The following MYOF variants were observed in gnomAD, a reference collection of about 807,000 sequenced individuals.
MYOF encodes myoferlin.
In MYOF, 244 loss-of-function variants were observed where a neutral mutation model predicts 284.2. That is an observed-to-expected ratio of 0.86 (90% CI 0.77 to 0.95). MYOF has a LOEUF of 0.95. MYOF is among the 40% of genes least tolerant of loss of function. MYOF has a pLI of 0.00. For missense variants in MYOF, 2,496 were observed against 2,560.6 expected, an observed-to-expected ratio of 0.97 and a Z score of 0.54; for synonymous variants, 904 against 919.7, an observed-to-expected ratio of 0.98 and a Z score of 0.31.
chr10:93,482,220 T>TTCA lies in MYOF; in HGVS notation c.-29_-27dup. ...GGTTCTTAGCTGGTAGAAAGCAAGT[T>TTCA]TCAGCAAACGAAGTGGAGACTAGGG... is the stretch of plus-strand genomic sequence containing the variant. On this transcript the variant is annotated 5_prime_UTR_variant, in exon 1 of 54. The change creates a new upstream start codon in the 5' untranslated region. Coordinates refer to ENST00000359263, the MANE Select transcript of MYOF (RefSeq NM_013451.4). 6.2e-7 allele frequency: 1 copy of TTCA among 1,601,896 alleles called. No individual in the cohort carries two copies. Among genetic ancestry groups the TTCA allele is most frequent in the Non-Finnish European group, 8.5e-7 (1 of 1,172,634 alleles).
At chr10:93,421,122 C>A (rs1380087107) in intron 5 of MYOF, among the ~76,000 whole-genome samples, 2 of 152,086 alleles carry the variant, frequency 1.3e-5, no homozygotes, top group Non-Finnish European at 2.9e-5. Context: ...GGTGGCTGAG[C>A]ACAAGAATTG....
intron 39 of MYOF, among the ~76,000 whole-genome samples, chr10:93,339,027 T>C (rs1340450324): frequency 7.4e-6 from 1 of 135,012 alleles, no homozygotes; most frequent in Non-Finnish European, 1.6e-5. Context: ...TTTTTTTTTT[T>C]TTTTGAGACG....
intron 25 of MYOF, among the ~76,000 whole-genome samples, chr10:93,367,290 G>A (rs1449611777): frequency 2.0e-5 from 3 of 152,222 alleles, no homozygotes; most frequent in Admixed American, 6.5e-5. Flanking sequence ...GGAAAGGGTA[G>A]AGATTTGCCA....
intron 48 of MYOF, among the ~76,000 whole-genome samples, chr10:93,321,936 C>G (rs1400630698): frequency 1.3e-5 from 2 of 151,226 alleles, no homozygotes; most frequent in Non-Finnish European, 2.9e-5. Flanking sequence ...TTAAGTTGAG[C>G]TTTATTCTCT....
chr10:93,313,797 A>C (rs1842494672), intron 50 of MYOF, among the ~76,000 whole-genome samples: 1 of 152,098 alleles, frequency 6.6e-6, no homozygotes, highest in African/African-American at 2.4e-5. Flanking sequence ...GCTACTCAAG[A>C]GGCTGAGGCA....
intron 3 of MYOF, among the ~76,000 whole-genome samples, 192 bp downstream of exon 3, chr10:93,451,858 A>G (rs1338857469): frequency 6.6e-6 from 1 of 152,228 alleles, no homozygotes; most frequent in Non-Finnish European, 1.5e-5. Flanking sequence ...GAATAAAAGC[A>G]GTCATTGGGA....
chr10:93,428,566 AACACACACACACAC>A (rs58503520), intron 4 of MYOF, among the ~76,000 whole-genome samples: 17,185 of 143,860 alleles, frequency 0.12, 1,014 homozygotes, highest in Middle Eastern at 0.18. Flanking sequence ...ACATCTGGTA[AACACACACACACAC>A]ACACACACAC....
intron 11 of MYOF, 89 bp downstream of exon 11, chr10:93,402,143 C>G: frequency 1.0e-6 from 1 of 983,696 alleles, no homozygotes; most frequent in Non-Finnish European, 1.6e-6. Context: ...AAGCTGTGCT[C>G]CATTTCACAA....
chr10:93,399,455 TC>T lies in MYOF; in HGVS notation c.1157del (p.Gly386GlufsTer14). The T allele has an allele frequency of 6.2e-7, 1 of 1,613,732 alleles. No homozygotes were observed. The highest frequency in any genetic ancestry group is 8.5e-7 in the Non-Finnish European group (1 of 1,179,788). ...CGAGATTTTTCTTATCTGCATTGCC[TC>T]CAAATATTTCCTTTACTGTCTGTGA... ...AFSQTVKEIF[G>X]GNADKKNLVD... On this transcript the variant is annotated frameshift_variant, in exon 13 of 54. Transcript: ENST00000359263. LOFTEE classifies it high-confidence loss of function.
intron 24 of MYOF, among the ~76,000 whole-genome samples, chr10:93,370,462 C>T (rs1197336733): frequency 6.6e-6 from 1 of 150,594 alleles, no homozygotes; most frequent in Admixed American, 6.7e-5. Flanking sequence ...CAGATGCATG[C>T]CACCATGCCT....
chr10:93,406,804 G>A (rs1222491733), intron 7 of MYOF, among the ~76,000 whole-genome samples: 3 of 151,936 alleles, frequency 2.0e-5, no homozygotes, highest in Non-Finnish European at 4.4e-5. Flanking sequence ...AAATAGAAAC[G>A]CGGCATAGAA....
Position 93,414,818 on chromosome 10 carries a change from A to C in MYOF, c.434-5079T>G, listed in dbSNP as rs184731234. ...GAGTGTAGTGGTACAATTTCAGCTC[A>C]CTGCAGCCTCTGCTTCCCAGGTTCA... On this transcript the variant is annotated intron_variant, in intron 5 of 53. Transcript: ENST00000359263. Among the ~76,000 whole-genome samples, 541 of 152,094 alleles carry C rather than the reference A, an allele frequency of 3.6e-3. 4 individuals are homozygous for C. Among genetic ancestry groups the C allele is most frequent in the African/African-American group, 0.013 (526 of 41,504 alleles).
At chr10:93,378,255 C>G (rs970292378) in intron 21 of MYOF, among the ~76,000 whole-genome samples, 1 of 152,154 alleles carries the variant, frequency 6.6e-6, no homozygotes, top group Admixed American at 6.5e-5. Context: ...AAGCCACCAT[C>G]CTGTCCAGAT....
At chr10:93,390,534 A>T (rs1846625838) in intron 17 of MYOF, among the ~76,000 whole-genome samples, 1 of 152,224 alleles carries the variant, frequency 6.6e-6, no homozygotes, top group East Asian at 1.9e-4. Context: ...TCCAACAGAG[A>T]TTTCTCTGAA....
intron 7 of MYOF, among the ~76,000 whole-genome samples, chr10:93,406,976 C>T (rs1283284520): frequency 1.3e-5 from 2 of 152,100 alleles, no homozygotes; most frequent in Non-Finnish European, 2.9e-5. Context: ...AAATGTGTCT[C>T]CTCAGCACAG....
In MYOF at chr10:93,387,833, A is replaced by G; in HGVS notation, c.1662T>C (p.Leu554=). ...GCAGGTCATCATTTGAAATGGGCTCAAGCTTTTTATCTGGTGGTGTCTTCT... is the reference window on the plus strand; with the variant it reads ...GCAGGTCATCATTTGAAATGGGCTCGAGCTTTTTATCTGGTGGTGTCTTCT... ...FLEKTPPDKK[L]EPISNDDLLV... Residue 554 remains leucine (L), a synonymous_variant, in exon 19 of 54, where the codon CTT becomes CTC. Coordinates refer to ENST00000359263, the MANE Select transcript of MYOF (RefSeq NM_013451.4). 2.5e-6 allele frequency: 4 copies of G among 1,614,066 alleles called. No homozygotes were observed. The highest frequency in any genetic ancestry group is 3.4e-6 in the Non-Finnish European group (4 of 1,180,000).
rs200759651 is a variant in MYOF at position 93,374,834 on chromosome 10, C to T, written c.2230G>A (p.Ala744Thr). Residue 744 changes from alanine to threonine, a missense_variant, in exon 23 of 54, where the codon GCC (alanine) becomes ACC (threonine). Physicochemically the swap from Ala to Thr is moderately conservative, Grantham distance 58. Around this residue, in one of 3 missense-constraint regions of MYOF, gnomAD observed 2,436 missense variants for 2,480.7 expected, o/e 0.98. Coordinates refer to ENST00000359263, the MANE Select transcript of MYOF (RefSeq NM_013451.4). ...HEAAVRMRSE[A>T]TDVKSTLAEI... ...GCCAGTGTGGACTTCACATCTGTGG[C>T]TTCCGACCTCATCCTCACAGCCGCC... 24 of 1,614,192 alleles carry T rather than the reference C, an allele frequency of 1.5e-5. No homozygotes were observed. The East Asian group carries it at 5.1e-4, about 34-fold the overall frequency.
rs1554873023 is a variant in MYOF, at chr10:93,465,538, C to CTTTTTTCT, written c.89-8602_89-8601insAGAAAAAA. Among the ~76,000 whole-genome samples, 345 of 112,152 alleles carry CTTTTTTCT rather than the reference C, an allele frequency of 3.1e-3. 8 individuals are homozygous for CTTTTTTCT. Among genetic ancestry groups the CTTTTTTCT allele is most frequent in the African/African-American group, 0.011 (336 of 29,976 alleles). The allele number at this position is 112,152 out of a possible 152,430, so 73.6% of individuals were successfully genotyped here. ...CTTTTTTCTTTCTTTTTTTTCTTTTCTTTTTTTTTTTTTTTGAGATGACTG... is the reference window on the plus strand; with the variant it reads ...CTTTTTTCTTTCTTTTTTTTCTTTTCTTTTTTCTTTTTTTTTTTTTTTTGAGATGACTG... On this transcript the variant is annotated intron_variant, in intron 1 of 53. Transcript: ENST00000359263.
rs369032210 is a variant in MYOF, at chr10:93,356,817, C to T, written c.3152G>A (p.Trp1051Ter). The change falls in exon 30 of 54, where the codon TGG (tryptophan) becomes TAG (stop). Residue 1051 changes from tryptophan to a stop codon, truncating the protein, a stop_gained. Coordinates refer to ENST00000359263, the MANE Select transcript of MYOF (RefSeq NM_013451.4). LOFTEE classifies it high-confidence loss of function. ...AMEELQDQEG[W>*]EYASLIGWKF... ...CCAGCCAATTAGAGAAGCATATTCC[C>T]AGCCCTCTTGGTCTTGCAATTCCTC... 1.2e-6 allele frequency: 2 copies of T among 1,613,682 alleles called. No homozygotes were observed. Among genetic ancestry groups the T allele is most frequent in the African/African-American group, 1.3e-5 (1 of 74,854 alleles).
Sources: gnomAD v4.1 joint callset for allele counts (sites outside exome capture counted in the v4.1 genomes callset) on GRCh38, gnomAD v4.1.1 for gene constraint, gnomAD v4.1.1 regional missense constraint, MANE v1.5 for transcripts, NCBI Gene and HGNC (gene_info 2026-07-23, HGNC 2026-07-21) for gene names.